Variants in TRDMT1 observed in about 807,000 individuals in gnomAD.
TRDMT1 encodes tRNA aspartic acid methyltransferase 1.
Under a neutral mutation model 51.2 loss-of-function variants are expected in TRDMT1, and 49 were observed. The ratio of observed to expected loss-of-function variants is 0.96; its 90% CI spans 0.76 to 1.21. The LOEUF (loss-of-function observed/expected upper bound fraction) is 1.21, where lower values mean the gene tolerates loss of function less well. Ranked by LOEUF, TRDMT1 falls within the 50% of genes most tolerant of loss-of-function variation. The probability of loss-of-function intolerance (pLI) is 0.00; values close to 1 mark genes in which losing one functional copy is unlikely to be tolerated. For synonymous variants in TRDMT1, 187 were observed against 164.6 expected (o/e 1.14, Z -1.04); for missense variants, 534 against 462.3 (o/e 1.16, Z -1.42).
In TRDMT1 at chr10:17,145,520, C is replaced by T. The variant is rs1020678716; in HGVS notation, c.*3520G>A. The T allele has an allele frequency of 1.0e-5, 10 of 985,294 alleles. No homozygotes were observed. In the African/African-American group the frequency reaches 1.4e-4, roughly 14 times the overall value. 61.0% of individuals were successfully genotyped at this position (985,294 alleles called of 1,614,324 possible). A position where few individuals can be genotyped will look rare whatever the true frequency, so the allele number is the denominator to read the frequency against. On this transcript the variant is annotated 3_prime_UTR_variant, in exon 11 of 11. Transcript: ENST00000377799. ...AACTGCTGAGGCTATATGACCCTCACACAGTTTCAAAGTCCAAAGCTATTA... is the reference window on the plus strand; with the variant it reads ...AACTGCTGAGGCTATATGACCCTCATACAGTTTCAAAGTCCAAAGCTATTA...
chr10:17,187,781 G>A (rs1450841160), intron 1 of TRDMT1, among the ~76,000 whole-genome samples: 2 of 152,098 alleles, frequency 1.3e-5, no homozygotes, highest in Non-Finnish European at 2.9e-5. Context: ...ACCTTTTTCT[G>A]TGTCTAAACA....
At chr10:17,167,465 T>C (rs12771477) in intron 3 of TRDMT1, among the ~76,000 whole-genome samples, 42,989 of 152,086 alleles carry the variant, frequency 0.28, 6,338 homozygotes, top group Middle Eastern at 0.38. Flanking sequence ...GCTTGTTAAA[T>C]TAAATGACAT....
At chr10:17,166,290 A>T (rs1334864538) in intron 3 of TRDMT1, among the ~76,000 whole-genome samples, 4 of 147,230 alleles carry the variant, frequency 2.7e-5, no homozygotes, top group East Asian at 2.1e-4. Context: ...AAACACCGCA[A>T]GTTCTCACTC....
intron 8 of TRDMT1, among the ~76,000 whole-genome samples, chr10:17,156,797 G>A (rs745372898): frequency 4.5e-4 from 69 of 152,102 alleles, no homozygotes; most frequent in Non-Finnish European, 8.1e-4. Flanking sequence ...TTATAAAGGG[G>A]GATAAAATAT....
At chr10:17,151,403 G>A (rs1838718574) in intron 10 of TRDMT1, 1 of 980,402 alleles carries the variant, frequency 1.0e-6, no homozygotes, top group South Asian at 4.7e-5. Flanking sequence ...CACACCACCA[G>A]TCACAGAACC....
rs61159799 is a variant in TRDMT1, at chr10:17,162,247, T to TA, written c.252-11dup. 0.02 allele frequency: 26,454 copies of TA among 1,339,942 alleles called. 15 individuals carry two copies. The highest frequency in any genetic ancestry group is 0.032 in the African/African-American group (1,967 of 61,552). The allele number at this position is 1,339,942 out of a possible 1,614,324, so 83.0% of individuals were successfully genotyped here. On this transcript the variant is annotated splice_polypyrimidine_tract_variant and intron_variant, in intron 3 of 10. Transcript: ENST00000377799. ...ACCCTGCCGGCCAATCCTAAAGGGGTAAAAAAAAAAAAAAACAAAAAAAAA... is the reference window on the plus strand; with the variant it reads ...ACCCTGCCGGCCAATCCTAAAGGGGTAAAAAAAAAAAAAAAACAAAAAAAAA...
intron 2 of TRDMT1, 63 bp from the exon 3 acceptor site, chr10:17,168,980 GA>G: frequency 9.8e-7 from 1 of 1,023,176 alleles, no homozygotes. Context: ...GGGGAAGAGG[GA>G]AAATACTAAC....
intron 9 of TRDMT1, 54 bp downstream of exon 9, chr10:17,154,623 A>G: frequency 6.9e-7 from 1 of 1,438,972 alleles, no homozygotes; most frequent in Non-Finnish European, 9.3e-7. Flanking sequence ...CAAAGTATTA[A>G]ACAATTTTAG....
At position 17,139,004 on chromosome 10, in the gene TRDMT1, A is replaced by C. The variant is rs1274052134; in HGVS notation, c.*10036T>G. On this transcript the variant is annotated 3_prime_UTR_variant, in exon 11 of 11. Transcript: ENST00000377799. ...TCATTATAAGGATCAGCCATAGCAG[A>C]GGAGATACTAATTGCTAGGATTAAA... is the stretch of plus-strand genomic sequence containing the variant. 6.6e-6 allele frequency among the ~76,000 whole-genome samples: 1 copy of C among 152,206 alleles called. No homozygotes were observed. Among genetic ancestry groups the C allele is most frequent in the Non-Finnish European group, 1.5e-5 (1 of 68,028 alleles).
rs1840445271 is a variant in TRDMT1, at chr10:17,162,120, G to C, written c.323+46C>G. 4.7e-6 allele frequency: 7 copies of C among 1,503,276 alleles called. No individual in the cohort carries two copies. The African/African-American group carries it at 5.6e-5, about 12-fold the overall frequency. 93.1% of individuals were successfully genotyped at this position (1,503,276 alleles called of 1,614,324 possible). A position where few individuals can be genotyped will look rare whatever the true frequency, so the allele number is the denominator to read the frequency against. ...CAAACGTCACATTCTTCCAGACCTG[G>C]AGTTTCAAATGAAAGGTAAGCTTGT... On this transcript the variant is annotated intron_variant, in intron 4 of 10. Coordinates refer to ENST00000377799, the MANE Select transcript of TRDMT1 (RefSeq NM_004412.7).
Position 17,151,446 on chromosome 10 carries a change from C to T in TRDMT1, c.1075+2061G>A, listed in dbSNP as rs369352886. On this transcript the variant is annotated intron_variant, in intron 10 of 10. Transcript: ENST00000377799. ...AGGGTTTGGAAGGATCAATGCAGAT[C>T]CATCATTGCCAGTAGACAAACAGCT... 12 of 968,288 alleles carry T rather than the reference C, an allele frequency of 1.2e-5. No individual in the cohort carries two copies. The African/African-American group carries it at 2.1e-4, about 17-fold the overall frequency. The allele number at this position is 968,288 out of a possible 1,614,324, so 60.0% of individuals were successfully genotyped here.
At position 17,168,987 on chromosome 10, in the gene TRDMT1, C is replaced by G. The variant is rs1014209615; in HGVS notation, c.175-70G>C. ...GATAGAATGGGGAAGAGGGAAAATA[C>G]TAACTATAATTAAATATATCAGAAA... On this transcript the variant is annotated intron_variant, in intron 2 of 10. Coordinates refer to ENST00000377799, the MANE Select transcript of TRDMT1 (RefSeq NM_004412.7). 10 of 968,862 alleles carry G rather than the reference C, an allele frequency of 1.0e-5. No individual in the cohort carries two copies. The Admixed American group carries it at 1.6e-4, about 16-fold the overall frequency. 60.0% of individuals were successfully genotyped at this position (968,862 alleles called of 1,614,324 possible).
rs1588689618 is a variant in TRDMT1 at position 17,147,300 on chromosome 10, T to G, written c.*1740A>C. ...ATGAAAAATGTAGATAGTGATAGTT[T>G]CTGTATATGGGCTGGCTTACAGCTT... On this transcript the variant is annotated 3_prime_UTR_variant, in exon 11 of 11. Coordinates refer to ENST00000377799, the MANE Select transcript of TRDMT1 (RefSeq NM_004412.7). 1 of 985,660 alleles carries G rather than the reference T, an allele frequency of 1.0e-6. No individual in the cohort carries two copies. Among genetic ancestry groups the G allele is most frequent in the South Asian group, 4.7e-5 (1 of 21,292 alleles). The allele number at this position is 985,660 out of a possible 1,614,324, so 61.1% of individuals were successfully genotyped here. A position where few individuals can be genotyped will look rare whatever the true frequency, so the allele number is the denominator to read the frequency against.
chr10:17,151,007 ATGTG>A lies in TRDMT1; in HGVS notation c.1076-1871_1076-1868del, dbSNP rs150768937. The A allele has an allele frequency of 8.2e-6, 8 of 979,438 alleles. No homozygotes were observed. The African/African-American group carries it at 1.2e-4, about 15-fold the overall frequency. The allele number at this position is 979,438 out of a possible 1,614,324, so 60.7% of individuals were successfully genotyped here. On this transcript the variant is annotated intron_variant, in intron 10 of 10. Coordinates refer to ENST00000377799, the MANE Select transcript of TRDMT1 (RefSeq NM_004412.7). ...ACAAATTATATCTATGTGTGTGTGC[ATGTG>A]TGTGTGTGTGCGTGCATCTGTGCAT...
chr10:17,146,897 G>GT lies in TRDMT1; in HGVS notation c.*2142dup, dbSNP rs45599041. On this transcript the variant is annotated 3_prime_UTR_variant, in exon 11 of 11. Coordinates refer to ENST00000377799, the MANE Select transcript of TRDMT1 (RefSeq NM_004412.7). ...TAGATACATCTTCATTAAGATGTGA[G>GT]TTTTATGCTTGTTACTGCATATTTT... The GT allele has an allele frequency of 0.15, 146,496 of 985,046 alleles. 11,067 individuals are homozygous for GT. Among genetic ancestry groups the GT allele is most frequent in the Admixed American group, 0.17 (2,792 of 16,260 alleles). 61.0% of individuals were successfully genotyped at this position (985,046 alleles called of 1,614,324 possible). A position where few individuals can be genotyped will look rare whatever the true frequency, so the allele number is the denominator to read the frequency against.
Position 17,144,236 on chromosome 10 carries a change from A to G in TRDMT1, c.*4804T>C. Reference sequence around the variant, plus strand: ...TCTGATTATAGAGCTAATTTAGCTAAACAAACATGTTCTCTATGTACACTC... The same window carrying G: ...TCTGATTATAGAGCTAATTTAGCTAGACAAACATGTTCTCTATGTACACTC... On this transcript the variant is annotated 3_prime_UTR_variant, in exon 11 of 11. Transcript: ENST00000377799. 1 of 985,708 alleles carries G rather than the reference A, an allele frequency of 1.0e-6. No individual in the cohort carries two copies. Among genetic ancestry groups the G allele is most frequent in the Non-Finnish European group, 1.2e-6 (1 of 829,934 alleles). 61.1% of individuals were successfully genotyped at this position (985,708 alleles called of 1,614,324 possible).
intron 1 of TRDMT1, among the ~76,000 whole-genome samples, chr10:17,190,349 T>C (rs2131598225): frequency 6.6e-6 from 1 of 152,124 alleles, no homozygotes; most frequent in East Asian, 1.9e-4. Context: ...ACCGTGTAAT[T>C]ATGTGTAGAT....
At chr10:17,192,236 G>A (rs1209193609) in intron 1 of TRDMT1, among the ~76,000 whole-genome samples, 1 of 152,182 alleles carries the variant, frequency 6.6e-6, no homozygotes, top group Non-Finnish European at 1.5e-5. Context: ...CCAAGGCTCA[G>A]GTGTGGGCAA....
At chr10:17,182,650 T>C (rs1173548999) in intron 1 of TRDMT1, among the ~76,000 whole-genome samples, 1 of 152,166 alleles carries the variant, frequency 6.6e-6, no homozygotes, top group Non-Finnish European at 1.5e-5. Context: ...CTTATGGTAA[T>C]ACCCAATCAC....
Sources: allele counts gnomAD v4.1 joint callset (sites outside exome capture counted in the v4.1 genomes callset), GRCh38; gene constraint gnomAD v4.1.1; transcripts MANE v1.5; gene names NCBI Gene and HGNC (gene_info 2026-07-23, HGNC 2026-07-21).